Variants in SMAP2 observed in about 807,000 individuals in gnomAD.
SMAP2 encodes stromal membrane-associated protein 2.
SMAP2 carries 25 observed loss-of-function variants against 56.4 expected under a neutral mutation model. That is an observed-to-expected ratio of 0.44 (90% CI 0.32 to 0.62). The LOEUF is 0.62. Among genes scored for constraint, SMAP2 ranks in the 20% least tolerant of loss-of-function variants. The probability of loss-of-function intolerance (pLI) is 0.04; values close to 1 mark genes in which losing one functional copy is unlikely to be tolerated. For synonymous variants in SMAP2, 157 were observed against 181.7 expected (o/e 0.86, Z 1.09); for missense variants, 388 against 545.6 (o/e 0.71, Z 2.88).
intron 1 of SMAP2, chr1:40,375,644 C>T (rs1644533967): frequency 4.8e-6 from 1 of 207,678 alleles, no homozygotes; most frequent in African/African-American, 2.4e-5. Flanking sequence ...AGGTTAGCTT[C>T]TTGATTCTTG....
At chr1:40,393,622 T>C in intron 1 of SMAP2, 1 of 905,624 alleles carries the variant, frequency 1.1e-6, no homozygotes, top group East Asian at 2.9e-5. Context: ...CTTGGCTCAC[T>C]GCAACCTCCA....
chr1:40,413,411 A>G (rs1037115620), intron 5 of SMAP2, among the ~76,000 whole-genome samples: 10 of 152,192 alleles, frequency 6.6e-5, no homozygotes, highest in African/African-American at 2.2e-4. Flanking sequence ...AGCAGATGCT[A>G]TTTCCACATT....
Position 40,398,410 on chromosome 1 carries a change from A to T in SMAP2, c.104-8326A>T, listed in dbSNP as rs536205779. On this transcript the variant is annotated intron_variant, in intron 1 of 9. Transcript: ENST00000372718. Reference sequence around the variant, plus strand: ...CACCGAGCTCATTTATTCATATTTTAAAAAAAATGGAATTGTTTCATGTGT... The same window carrying T: ...CACCGAGCTCATTTATTCATATTTTTAAAAAAATGGAATTGTTTCATGTGT... Among the ~76,000 whole-genome samples the T allele has an allele frequency of 1.1e-3, 140 of 127,532 alleles. 1 individual carries two copies. Among genetic ancestry groups the T allele is most frequent in the African/African-American group, 2.8e-3 (103 of 37,042 alleles). The allele number at this position is 127,532 out of a possible 152,430, so 83.7% of individuals were successfully genotyped here. A position where few individuals can be genotyped will look rare whatever the true frequency, so the allele number is the denominator to read the frequency against.
intron 1 of SMAP2, among the ~76,000 whole-genome samples, chr1:40,389,144 A>G (rs1176136643): frequency 1.3e-5 from 2 of 152,144 alleles, no homozygotes; most frequent in Non-Finnish European, 2.9e-5. Flanking sequence ...GAACCCACCA[A>G]TTCCGGACAC....
Position 40,386,853 on chromosome 1 carries a change from CTT to C in SMAP2, c.103+12647_103+12648del, listed in dbSNP as rs57984975. Among the ~76,000 whole-genome samples the C allele has an allele frequency of 2.7e-4, 34 of 127,298 alleles. No individual in the cohort carries two copies. Among genetic ancestry groups the C allele is most frequent in the Admixed American group, 4.8e-4 (6 of 12,390 alleles). The allele number at this position is 127,298 out of a possible 152,430, so 83.5% of individuals were successfully genotyped here. On this transcript the variant is annotated intron_variant, in intron 1 of 9. Transcript: ENST00000372718. The surrounding 1 kb of genome is among the most constrained non-coding windows in gnomAD (Gnocchi z 4.1). Reference sequence around the variant, plus strand: ...GATGCTGAAGGTATTTTTCATAATTCTTTTTTTTTTTTTTTTTTGGAGACAAG... The same window carrying C: ...GATGCTGAAGGTATTTTTCATAATTCTTTTTTTTTTTTTTTTGGAGACAAG...
At chr1:40,391,308 T>C (rs77556453) in intron 1 of SMAP2, among the ~76,000 whole-genome samples, 1,613 of 152,354 alleles carry the variant, frequency 0.011, 31 homozygotes, top group African/African-American at 0.038. Context: ...GTGTATACTA[T>C]ACACAGATGA....
intron 4 of SMAP2, among the ~76,000 whole-genome samples, chr1:40,410,525 T>G (rs1370049214): frequency 6.6e-6 from 1 of 152,028 alleles, no homozygotes; most frequent in Non-Finnish European, 1.5e-5. Context: ...CAAAAGTAGG[T>G]GTAATTAAAT....
rs143080582 is a variant in SMAP2 at position 40,363,809 on chromosome 1, T to A, written c.55+1373T>A. ...CTTGGGGGAAGGAGAGTGCAGTGAT[T>A]GTGGGACTTTACATTAGAACTCAGT... On this transcript the variant is annotated intron_variant, in intron 2 of 6. Coordinates refer to the SMAP2 transcript ENST00000435168. 7.0e-4 allele frequency among the ~76,000 whole-genome samples: 107 copies of A among 152,292 alleles called. 1 individual carries two copies. Among genetic ancestry groups the A allele is most frequent in the African/African-American group, 2.4e-3 (101 of 41,568 alleles).
chr1:40,350,159 A>G (rs1455004768), intron 1 of SMAP2, among the ~76,000 whole-genome samples: 2 of 152,182 alleles, frequency 1.3e-5, no homozygotes, highest in African/African-American at 2.4e-5. Flanking sequence ...AGATGAAGCC[A>G]ACAGCTAGAT....
intron 1 of SMAP2, among the ~76,000 whole-genome samples, chr1:40,349,352 C>T (rs576579264): frequency 6.6e-6 from 1 of 152,288 alleles, no homozygotes; most frequent in South Asian, 2.1e-4. Context: ...TATACAGCTT[C>T]TAATTTTCAC....
At chr1:40,416,552 C>G (rs1273783169) in intron 8 of SMAP2, among the ~76,000 whole-genome samples, 2 of 152,158 alleles carry the variant, frequency 1.3e-5, no homozygotes, top group Non-Finnish European at 2.9e-5. Context: ...TCGGTGAAGT[C>G]TAGCTCAAGG....
chr1:40,399,715 G>A (rs80058551), intron 1 of SMAP2, among the ~76,000 whole-genome samples: 43 of 83,344 alleles, frequency 5.2e-4, no homozygotes, highest in South Asian at 8.8e-4. Flanking sequence ...AAAAAAAAAA[G>A]AAAAGAAAAG....
In SMAP2 at chr1:40,409,771, T is replaced by A. The variant is rs148082188; in HGVS notation, c.338T>A (p.Phe113Tyr). 3.2e-5 allele frequency: 52 copies of A among 1,612,624 alleles called. No individual in the cohort carries two copies. Among genetic ancestry groups the A allele is most frequent in the Non-Finnish European group, 4.2e-5 (50 of 1,178,736 alleles). Residue 113 changes from phenylalanine (F) to tyrosine (Y), a missense_variant, in exon 4 of 10, where the codon TTT becomes TAT. Physicochemically the swap from Phe to Tyr is conservative, Grantham distance 22. Coordinates refer to ENST00000372718, the MANE Select transcript of SMAP2 (RefSeq NM_022733.3). The part of the protein sequence containing the change: ...RPQIDPAVEG[F>Y]IRDKYEKKKY... ...GCTTTTTGCAGAGCTGTTGAAGGAT[T>A]TATTCGAGACAAATATGAGAAGAAG...
At chr1:40,356,942 T>C (rs1400185006) in intron 1 of SMAP2, among the ~76,000 whole-genome samples, 1 of 152,240 alleles carries the variant, frequency 6.6e-6, no homozygotes, top group East Asian at 1.9e-4. Context: ...TTCATATACC[T>C]ATTTGACCTT....
chr1:40,381,552 TG>T (rs1644598937), intron 1 of SMAP2, among the ~76,000 whole-genome samples: 1 of 152,134 alleles, frequency 6.6e-6, no homozygotes, highest in African/African-American at 2.4e-5. Flanking sequence ...TGTGTGTGTG[TG>T]TGTGCGTGTG....
Position 40,388,459 on chromosome 1 carries a change from G to A in SMAP2, c.103+14236G>A, listed in dbSNP as rs1209832210. ...CTCAGGGTTTGTGAATGCACCAATCGACACTCTGTATCTAGCTACTCTGGT... is the reference window on the plus strand; with the variant it reads ...CTCAGGGTTTGTGAATGCACCAATCAACACTCTGTATCTAGCTACTCTGGT... On this transcript the variant is annotated intron_variant, in intron 1 of 9. Coordinates refer to ENST00000372718, the MANE Select transcript of SMAP2 (RefSeq NM_022733.3). Among the ~76,000 whole-genome samples, 3 of 151,994 alleles carry A rather than the reference G, an allele frequency of 2.0e-5. No individual in the cohort carries two copies. The East Asian group carries it at 5.8e-4, about 29-fold the overall frequency.
At chr1:40,349,787 T>A (rs1242524774) in intron 1 of SMAP2, among the ~76,000 whole-genome samples, 2 of 152,150 alleles carry the variant, frequency 1.3e-5, no homozygotes, top group East Asian at 3.9e-4. Context: ...CCAAAGTGCT[T>A]GTATTATAGG....
intron 1 of SMAP2, among the ~76,000 whole-genome samples, chr1:40,354,766 A>ATTTT (rs1557821399): frequency 3.4e-5 from 2 of 58,270 alleles, no homozygotes; most frequent in East Asian, 6.9e-4. Context: ...CAAAACATTG[A>ATTTT]ATTTTTTTTT....
chr1:40,395,216 A>T (rs1644758381), intron 1 of SMAP2, among the ~76,000 whole-genome samples: 1 of 152,202 alleles, frequency 6.6e-6, no homozygotes, highest in Non-Finnish European at 1.5e-5. Flanking sequence ...CCAAACTAGG[A>T]TCTCATTCTT....
Sources: allele counts gnomAD v4.1 joint callset (sites outside exome capture counted in the v4.1 genomes callset), GRCh38; gene constraint gnomAD v4.1.1; non-coding constraint Gnocchi (gnomAD v3.1); transcripts MANE v1.5; gene names NCBI Gene and HGNC (gene_info 2026-07-23, HGNC 2026-07-21).